The following RIMS1 variants were observed in gnomAD, a reference collection of about 807,000 sequenced individuals.
The protein encoded by RIMS1 is regulating synaptic membrane exocytosis 1.
Under a neutral mutation model 214.1 loss-of-function variants are expected in RIMS1, and 83 were observed. The observed-to-expected ratio is 0.39, with a 90% CI of 0.32 to 0.47. The LOEUF is 0.47. Among genes scored for constraint, RIMS1 ranks in the 20% least tolerant of loss-of-function variants. The pLI, the probability that RIMS1 is intolerant of heterozygous loss-of-function variation, is 0.99. For missense variants in RIMS1, 2,050 were observed against 2,161.8 expected, an observed-to-expected ratio of 0.95 and a Z score of 1.03; for synonymous variants, 793 against 786.8, an observed-to-expected ratio of 1.01 and a Z score of -0.13.
intron 25 of RIMS1, 65 bp downstream of exon 25, chr6:72,290,926 C>A: frequency 6.9e-7 from 1 of 1,449,886 alleles, no homozygotes; most frequent in Non-Finnish European, 9.5e-7. Context: ...GGTGTTGTAC[C>A]TTCCTGAGCA....
At chr6:72,383,975 C>A (rs1450598698) in intron 29 of RIMS1, among the ~76,000 whole-genome samples, 10 of 152,050 alleles carry the variant, frequency 6.6e-5, no homozygotes, top group Admixed American at 5.9e-4. Context: ...TTATTTTGGA[C>A]CTAAATTGCT....
chr6:72,242,249 A>G, intron 9 of RIMS1, 65 bp from the exon 10 acceptor site: 1 of 1,271,706 alleles, frequency 7.9e-7, no homozygotes, highest in Non-Finnish European at 1.1e-6. Flanking sequence ...GTTAAAAAAG[A>G]GAAAAGATAC....
intron 28 of RIMS1, chr6:72,317,174 C>G: frequency 3.0e-6 from 1 of 334,628 alleles, no homozygotes; most frequent in South Asian, 3.2e-5. Flanking sequence ...TCCCCAGAGT[C>G]CCCTAGCAGG....
intron 5 of RIMS1, among the ~76,000 whole-genome samples, chr6:72,182,037 G>A (rs1261224615): frequency 1.3e-5 from 2 of 152,176 alleles, no homozygotes; most frequent in Non-Finnish European, 1.5e-5. Context: ...ATGCTTCAAT[G>A]AGCTGCTAAA....
intron 1 of RIMS1, among the ~76,000 whole-genome samples, chr6:71,893,698 C>T (rs1050155954): frequency 3.9e-5 from 6 of 152,218 alleles, no homozygotes; most frequent in East Asian, 3.9e-4. Context: ...ATTCTTACAT[C>T]GAGTTTATAT....
At chr6:72,183,217 G>A in intron 6 of RIMS1, 68 bp downstream of exon 6, 3 of 1,507,306 alleles carry the variant, frequency 2.0e-6, no homozygotes, top group Non-Finnish European at 2.7e-6. Context: ...AGGTGCAGGT[G>A]CTAGGCTAGT....
At chr6:71,972,143 G>C (rs1242865924) in intron 2 of RIMS1, among the ~76,000 whole-genome samples, 1 of 152,138 alleles carries the variant, frequency 6.6e-6, no homozygotes, top group Non-Finnish European at 1.5e-5. Flanking sequence ...AAGTAGTAAA[G>C]AACCAGAAGC....
intron 2 of RIMS1, among the ~76,000 whole-genome samples, chr6:72,084,370 C>T (rs1834151440): frequency 6.6e-6 from 1 of 152,048 alleles, no homozygotes; most frequent in African/African-American, 2.4e-5. Context: ...CATAATTTTA[C>T]TTGATTTTCT....
At chr6:72,018,568 C>G (rs1475627207) in intron 2 of RIMS1, among the ~76,000 whole-genome samples, 1 of 152,050 alleles carries the variant, frequency 6.6e-6, no homozygotes, top group Non-Finnish European at 1.5e-5. Context: ...TGAGAGTTAT[C>G]AGGATACAGA....
intron 22 of RIMS1, among the ~76,000 whole-genome samples, chr6:72,274,147 T>C (rs192164835): frequency 3.9e-5 from 6 of 152,218 alleles, no homozygotes; most frequent in African/African-American, 9.6e-5. Context: ...TATTCACTTA[T>C]AAGATTATAG....
chr6:72,015,460 A>G (rs937008498), intron 2 of RIMS1, among the ~76,000 whole-genome samples: 7 of 152,316 alleles, frequency 4.6e-5, no homozygotes, highest in Admixed American at 2.6e-4. Context: ...ATAGAAGATC[A>G]TGTTATCTGC....
intron 1 of RIMS1, among the ~76,000 whole-genome samples, chr6:71,949,391 G>A (rs953758635): frequency 1.3e-5 from 2 of 152,012 alleles, no homozygotes; most frequent in African/African-American, 4.8e-5. Flanking sequence ...TGCTCTATTC[G>A]CCATGCATCA....
At position 72,183,595 on chromosome 6, in the gene RIMS1, T is replaced by C. The variant is rs2048675615; in HGVS notation, c.1678+446T>C. ...TTTTTTTTTTTTTCAAACTTCAAAT[T>C]AACCTTTCTCACAATTTGTGAACAG... On this transcript the variant is annotated intron_variant, in intron 6 of 33. Transcript: ENST00000521978. 2.7e-5 allele frequency among the ~76,000 whole-genome samples: 4 copies of C among 149,498 alleles called. No homozygotes were observed. The Middle Eastern group carries it at 0.011, about 400-fold the overall frequency.
chr6:72,147,202 CT>C (rs1261544191), intron 4 of RIMS1, among the ~76,000 whole-genome samples: 1 of 152,028 alleles, frequency 6.6e-6, no homozygotes, highest in Non-Finnish European at 1.5e-5. Context: ...TTAATTTTTC[CT>C]TCAAAAATAT....
intron 26 of RIMS1, among the ~76,000 whole-genome samples, chr6:72,295,282 T>C (rs1453625810): frequency 6.6e-6 from 1 of 151,784 alleles, no homozygotes; most frequent in African/African-American, 2.4e-5. Flanking sequence ...TTATAAAATG[T>C]CTAAGAAGTA....
At chr6:72,127,943 C>T (rs2039847033) in intron 4 of RIMS1, among the ~76,000 whole-genome samples, 2 of 152,188 alleles carry the variant, frequency 1.3e-5, no homozygotes, top group Non-Finnish European at 2.9e-5. Context: ...AGTAAGAAGA[C>T]TTGGCAGCAG....
At position 72,357,496 on chromosome 6, in the gene RIMS1, G is replaced by A. The variant is rs372865130; in HGVS notation, c.4366+23661G>A. Among the ~76,000 whole-genome samples the A allele has an allele frequency of 1.7e-4, 26 of 152,284 alleles. No homozygotes were observed. In the South Asian group the frequency reaches 3.5e-3, roughly 21 times the overall value. Reference sequence around the variant, plus strand: ...GTTTACTTGTATTAGAATATGTACCGTACTGAGAGTCAACAGACCTGGATT... The same window carrying A: ...GTTTACTTGTATTAGAATATGTACCATACTGAGAGTCAACAGACCTGGATT... On this transcript the variant is annotated intron_variant, in intron 29 of 33. Transcript: ENST00000521978.
At chr6:71,986,184 GGTTTT>G (rs1328588405) in intron 2 of RIMS1, among the ~76,000 whole-genome samples, 1 of 106,550 alleles carries the variant, frequency 9.4e-6, no homozygotes, top group Non-Finnish European at 1.8e-5. Context: ...CACAACTTTG[GGTTTT>G]GTTTTTTTTT....
chr6:72,277,590 A>G (rs535947089), intron 23 of RIMS1, among the ~76,000 whole-genome samples: 9 of 152,052 alleles, frequency 5.9e-5, no homozygotes, highest in African/African-American at 1.9e-4. Flanking sequence ...TCAAAAAAAA[A>G]AAAAGAATAT....
Sources: allele counts gnomAD v4.1 joint callset (sites outside exome capture counted in the v4.1 genomes callset), GRCh38; gene constraint gnomAD v4.1.1; transcripts MANE v1.5; gene names NCBI Gene and HGNC (gene_info 2026-07-23, HGNC 2026-07-21).